The following DNAH3 variants were observed in gnomAD, a reference collection of about 807,000 sequenced individuals.
The protein encoded by DNAH3 is axonemal beta dynein heavy chain 3.
Under a neutral mutation model 432.5 loss-of-function variants are expected in DNAH3, and 332 were observed. That is an observed-to-expected ratio of 0.77 (90% CI 0.70 to 0.84). The LOEUF (loss-of-function observed/expected upper bound fraction) is 0.84. Among genes scored for constraint, DNAH3 ranks in the 40% least tolerant of loss-of-function variants. DNAH3 has a pLI of 0.00. For missense variants in DNAH3, 4,861 were observed against 5,114.0 expected, an observed-to-expected ratio of 0.95 and a Z score of 1.51; for synonymous variants, 1,956 against 1,900.2, an observed-to-expected ratio of 1.03 and a Z score of -0.76.
chr16:21,153,170 CTG>C (rs2092874321), intron 1 of DNAH3, among the ~76,000 whole-genome samples: 1 of 152,198 alleles, frequency 6.6e-6, no homozygotes, highest in African/African-American at 2.4e-5. Flanking sequence ...AATCGACACT[CTG>C]TATCTAGCTG....
chr16:20,960,469 T>G (rs2084768097), intron 53 of DNAH3, among the ~76,000 whole-genome samples: 1 of 152,162 alleles, frequency 6.6e-6, no homozygotes, highest in African/African-American at 2.4e-5. Flanking sequence ...GCGGATCACT[T>G]GAGGTCAGGA....
intron 2 of DNAH3, 64 bp downstream of exon 3, chr16:21,145,920 G>A: frequency 9.7e-7 from 1 of 1,028,456 alleles, no homozygotes; most frequent in South Asian, 1.3e-5. Flanking sequence ...AATACGGAGA[G>A]AAGTGGGGGA....
chr16:21,120,533 C>T (rs2092312843), intron 11 of DNAH3: 1 of 602,224 alleles, frequency 1.7e-6, no homozygotes. Flanking sequence ...TAAGTCTTCA[C>T]TAACCAGTTC....
At chr16:21,055,354 C>T (rs2090095566) in intron 27 of DNAH3, among the ~76,000 whole-genome samples, 1 of 152,106 alleles carries the variant, frequency 6.6e-6, no homozygotes, top group Non-Finnish European at 1.5e-5. Flanking sequence ...CCACGCCCGG[C>T]CTGTCATTTC....
chr16:21,083,296 G>A (rs536967459), intron 19 of DNAH3, among the ~76,000 whole-genome samples: 3 of 152,314 alleles, frequency 2.0e-5, no homozygotes, highest in Non-Finnish European at 2.9e-5. Context: ...GATTACAGGC[G>A]TGAGCCACTG....
chr16:20,969,958 C>T (rs1362021898), exon 52 of DNAH3: 2 of 1,614,074 alleles, frequency 1.2e-6, no homozygotes, highest in Non-Finnish European at 1.7e-6. Context: ...CGAGTGCAGG[C>T]ATTGCCTCAG....
intron 59 of DNAH3, among the ~76,000 whole-genome samples, chr16:20,940,243 T>G (rs2083754053): frequency 6.6e-6 from 1 of 152,138 alleles, no homozygotes; most frequent in Admixed American, 6.5e-5. Context: ...TTTATTTTCT[T>G]TAAGAGATGG....
chr16:21,039,702 G>A (rs2089339388), intron 33 of DNAH3, 150 bp downstream of exon 33: 1 of 712,496 alleles, frequency 1.4e-6, no homozygotes, highest in African/African-American at 1.8e-5. Context: ...CCAAGGCCAG[G>A]GCTATGTGCT....
exon 53 of DNAH3, chr16:20,964,006 C>A (rs769733239): frequency 1.2e-6 from 2 of 1,614,164 alleles, no homozygotes; most frequent in Non-Finnish European, 1.7e-6. Context: ...TGGCTTGTAG[C>A]CCATCCGAGT....
Position 21,097,261 on chromosome 16 carries a change from C to T in DNAH3, c.2665+94G>A, listed in dbSNP as rs764484434. 8.6e-5 allele frequency: 124 copies of T among 1,446,906 alleles called. 1 individual carries two copies. Among genetic ancestry groups the T allele is most frequent in the Non-Finnish European group, 1.1e-4 (119 of 1,043,606 alleles). The allele number at this position is 1,446,906 out of a possible 1,614,324, so 89.6% of individuals were successfully genotyped here. On this transcript the variant is annotated intron_variant, in intron 18 of 61. Coordinates refer to ENST00000261383, the Ensembl canonical transcript of DNAH3. ...TGTCAGAATCTGATTAAAAGTCCAGCCAGATTCTTAAGTGCAAACCATATT... is the reference window on the plus strand; with the variant it reads ...TGTCAGAATCTGATTAAAAGTCCAGTCAGATTCTTAAGTGCAAACCATATT...
chr16:21,059,081 G>T (rs2090247347), intron 26 of DNAH3, among the ~76,000 whole-genome samples: 2 of 152,130 alleles, frequency 1.3e-5, no homozygotes, highest in Non-Finnish European at 2.9e-5. Flanking sequence ...ATGCTTTTGT[G>T]CCACAAGGGC....
chr16:21,122,302 C>T (rs1331795446), intron 9 of DNAH3, among the ~76,000 whole-genome samples, 178 bp from the exon 11 acceptor site: 2 of 152,108 alleles, frequency 1.3e-5, no homozygotes. Context: ...CACCTGTAAT[C>T]CCAGCACTTT....
At chr16:21,046,360 T>C (rs2089696862) in intron 31 of DNAH3, among the ~76,000 whole-genome samples, 1 of 150,878 alleles carries the variant, frequency 6.6e-6, no homozygotes, top group South Asian at 2.1e-4. Flanking sequence ...TTGGTGCTCC[T>C]GTATTGGGTG....
At chr16:21,152,013 T>A (rs984324037) in intron 1 of DNAH3, among the ~76,000 whole-genome samples, 23 of 152,046 alleles carry the variant, frequency 1.5e-4, no homozygotes, top group Non-Finnish European at 2.1e-4. Flanking sequence ...GGTGGATGGA[T>A]CACTTGAGGT....
At chr16:21,029,005 C>T (rs1286092531) in intron 37 of DNAH3, among the ~76,000 whole-genome samples, 1 of 152,174 alleles carries the variant, frequency 6.6e-6, no homozygotes, top group Non-Finnish European at 1.5e-5. Context: ...CACCACCAAC[C>T]GCGTCATCTC....
chr16:21,054,644 G>C, intron 27 of DNAH3, 110 bp from the exon 28 acceptor site: 1 of 740,066 alleles, frequency 1.4e-6, no homozygotes, highest in East Asian at 2.8e-5. Flanking sequence ...CAGACTCCTG[G>C]GTGTCATCCC....
At chr16:21,149,650 A>G (rs1257342093) in intron 1 of DNAH3, among the ~76,000 whole-genome samples, 1 of 152,188 alleles carries the variant, frequency 6.6e-6, no homozygotes, top group African/African-American at 2.4e-5. Flanking sequence ...CCAAGACTCT[A>G]TGTTTTTAAG....
chr16:20,972,716 C>A (rs1348340846), intron 51 of DNAH3, among the ~76,000 whole-genome samples: 1 of 151,354 alleles, frequency 6.6e-6, no homozygotes, highest in African/African-American at 2.4e-5. Context: ...AAAAGGCCTG[C>A]CCTTCTGAGA....
At chr16:20,978,030 G>A (rs1304069410) in intron 50 of DNAH3, among the ~76,000 whole-genome samples, 3 of 152,144 alleles carry the variant, frequency 2.0e-5, no homozygotes, top group African/African-American at 7.2e-5. Context: ...ATCAATCAAT[G>A]TTCTTTGGTC....
Sources: gnomAD v4.1 joint callset for allele counts (sites outside exome capture counted in the v4.1 genomes callset) on GRCh38, gnomAD v4.1.1 for gene constraint, MANE v1.5 for transcripts, NCBI Gene and HGNC (gene_info 2026-07-23, HGNC 2026-07-21) for gene names.